PLS1: variants seen among roughly 807,000 people sequenced by gnomAD.
The protein encoded by PLS1 is plastin 1, also known as plastin-1.
A neutral mutation model predicts 73.7 loss-of-function variants in PLS1; 32 were observed. That is an observed-to-expected ratio of 0.43 (90% CI 0.33 to 0.58). PLS1 has a LOEUF of 0.58. PLS1 is among the 20% of genes least tolerant of loss of function. PLS1 has a pLI of 0.04. For synonymous variants in PLS1, 217 were observed against 261.3 expected, an observed-to-expected ratio of 0.83 and a Z score of 1.63; for missense variants, 633 against 740.5, an observed-to-expected ratio of 0.85 and a Z score of 1.68.
At chr3:142,675,757 C>A (rs1480042404) in intron 4 of PLS1, among the ~76,000 whole-genome samples, 2 of 151,602 alleles carry the variant, frequency 1.3e-5, no homozygotes, top group Non-Finnish European at 2.9e-5. Flanking sequence ...CTCACTGCAA[C>A]CTCCACCCCC....
chr3:142,711,748 T>C, intron 15 of PLS1, 123 bp downstream of exon 15: 26 of 1,291,468 alleles, frequency 2.0e-5, no homozygotes, highest in Non-Finnish European at 2.8e-5. Flanking sequence ...AGTCTTAGAT[T>C]TAAGACTCAC....
chr3:142,706,226 T>C (rs2038459318), intron 14 of PLS1, among the ~76,000 whole-genome samples: 3 of 152,186 alleles, frequency 2.0e-5, no homozygotes, highest in African/African-American at 7.2e-5. Context: ...CACCATTTAT[T>C]TTAAAGACAA....
chr3:142,626,957 C>G (rs1282519148), intron 1 of PLS1, among the ~76,000 whole-genome samples: 1 of 152,230 alleles, frequency 6.6e-6, no homozygotes, highest in Non-Finnish European at 1.5e-5. Flanking sequence ...AGAACGTCTA[C>G]TCCTCTCTTG....
intron 1 of PLS1, among the ~76,000 whole-genome samples, chr3:142,648,980 A>T (rs1020392633): frequency 3.9e-5 from 6 of 152,030 alleles, no homozygotes; most frequent in African/African-American, 1.2e-4. Flanking sequence ...ACATATATAT[A>T]TTTTTTACTC....
chr3:142,605,091 A>G (rs2035995690), intron 1 of PLS1, among the ~76,000 whole-genome samples: 2 of 152,184 alleles, frequency 1.3e-5, no homozygotes, highest in Non-Finnish European at 2.9e-5. Flanking sequence ...ATGAGAAGTC[A>G]AAGTCTGTGA....
chr3:142,626,404 C>T (rs2036429505), intron 1 of PLS1, among the ~76,000 whole-genome samples: 2 of 152,122 alleles, frequency 1.3e-5, no homozygotes, highest in African/African-American at 4.8e-5. Flanking sequence ...TGTACATTAT[C>T]ATTTCATCCT....
intron 1 of PLS1, among the ~76,000 whole-genome samples, chr3:142,608,312 T>C (rs1308599759): frequency 6.6e-6 from 1 of 152,222 alleles, no homozygotes; most frequent in Non-Finnish European, 1.5e-5. Context: ...GCATCTAACC[T>C]AAAGGTAAAG....
At chr3:142,600,909 TA>T (rs1560024534) in intron 1 of PLS1, among the ~76,000 whole-genome samples, 17 of 28,984 alleles carry the variant, frequency 5.9e-4, no homozygotes, top group African/African-American at 4.0e-3. Context: ...TATATATATA[TA>T]TATATATTTT....
chr3:142,613,365 A>G (rs1254578891), intron 1 of PLS1, among the ~76,000 whole-genome samples: 1 of 152,016 alleles, frequency 6.6e-6, no homozygotes, highest in African/African-American at 2.4e-5. Flanking sequence ...CTGTAACCCC[A>G]GCTACTCAGG....
At chr3:142,606,833 T>G (rs2036028969) in intron 1 of PLS1, among the ~76,000 whole-genome samples, 1 of 152,244 alleles carries the variant, frequency 6.6e-6, no homozygotes, top group Non-Finnish European at 1.5e-5. Flanking sequence ...ATTTTATGTA[T>G]TCATCCTTCA....
intron 6 of PLS1, among the ~76,000 whole-genome samples, chr3:142,680,751 T>C (rs991647366): frequency 1.3e-5 from 2 of 152,122 alleles, no homozygotes; most frequent in Non-Finnish European, 2.9e-5. Context: ...CTAAACACAT[T>C]ATGTAAATTA....
At chr3:142,698,849 G>GA (rs763410743) in intron 12 of PLS1, among the ~76,000 whole-genome samples, 22 of 152,084 alleles carry the variant, frequency 1.4e-4, no homozygotes, top group Non-Finnish European at 2.5e-4. Flanking sequence ...GAAAAAATCA[G>GA]AAAGACACAA....
chr3:142,636,299 G>A (rs2036689358), intron 1 of PLS1, among the ~76,000 whole-genome samples: 1 of 152,162 alleles, frequency 6.6e-6, no homozygotes. Context: ...TCACACATAT[G>A]GACAACTGAA....
rs144418298 is a variant in PLS1 at position 142,652,546 on chromosome 3, G to A, written c.-36-11656G>A. ...TCGGAGGCATGGCAAATCCATTAGC[G>A]CATCTATCTGAGTGGAGCCGAGGGC... On this transcript the variant is annotated intron_variant, in intron 1 of 15. Coordinates refer to ENST00000457734, the MANE Select transcript of PLS1 (RefSeq NM_001145319.2). 1.8e-4 allele frequency among the ~76,000 whole-genome samples: 28 copies of A among 152,308 alleles called. 1 individual carries two copies. Among genetic ancestry groups the A allele is most frequent in the African/African-American group, 5.3e-4 (22 of 41,576 alleles).
intron 14 of PLS1, among the ~76,000 whole-genome samples, chr3:142,705,700 G>A (rs1420314867): frequency 6.6e-6 from 1 of 152,026 alleles, no homozygotes; most frequent in Non-Finnish European, 1.5e-5. Flanking sequence ...CTTTGCCTTC[G>A]CTCTATATGC....
At chr3:142,621,561 T>G (rs1239073191) in intron 1 of PLS1, among the ~76,000 whole-genome samples, 2 of 152,202 alleles carry the variant, frequency 1.3e-5, no homozygotes, top group Non-Finnish European at 2.9e-5. Context: ...AAACTATATA[T>G]AGCAAATATC....
chr3:142,677,436 A>T (rs902518624), intron 5 of PLS1, among the ~76,000 whole-genome samples: 2 of 152,190 alleles, frequency 1.3e-5, no homozygotes, highest in African/African-American at 4.8e-5. Flanking sequence ...ACTTGAGGTC[A>T]GGAGTTTGAG....
intron 1 of PLS1, among the ~76,000 whole-genome samples, chr3:142,635,386 G>A (rs1025610763): frequency 3.3e-5 from 5 of 149,598 alleles, no homozygotes; most frequent in East Asian, 3.9e-4. Flanking sequence ...CAATTAAAAA[G>A]TAGAGATTCA....
Position 142,704,685 on chromosome 3 carries a change from G to A in PLS1, c.1629+99G>A, listed in dbSNP as rs1344752623. On this transcript the variant is annotated intron_variant, in intron 14 of 15. Transcript: ENST00000457734. ...TTTTTTGGAGATGGAGTCTCGCTCT[G>A]TCACCCAGGCTGGTGTGCAGTGGCG... is the stretch of plus-strand genomic sequence containing the variant. 9 of 535,194 alleles carry A rather than the reference G, an allele frequency of 1.7e-5. No individual in the cohort carries two copies. The Admixed American group carries it at 3.8e-4, about 23-fold the overall frequency. The allele number at this position is 535,194 out of a possible 1,614,324, so 33.2% of individuals were successfully genotyped here.
Sources: gnomAD v4.1 joint callset for allele counts (sites outside exome capture counted in the v4.1 genomes callset) on GRCh38, gnomAD v4.1.1 for gene constraint, MANE v1.5 for transcripts, NCBI Gene and HGNC (gene_info 2026-07-23, HGNC 2026-07-21) for gene names.